UBE3D: variants seen among roughly 807,000 people sequenced by gnomAD.
UBE3D encodes E3 ubiquitin-protein ligase E3D.
A neutral mutation model predicts 49.6 loss-of-function variants in UBE3D; 48 were observed. The ratio of observed to expected loss-of-function variants is 0.97; its 90% CI spans 0.77 to 1.23. The LOEUF is 1.23. UBE3D is among the 50% of genes most tolerant of loss of function. The pLI is 0.00. For missense variants in UBE3D, 452 were observed against 468.4 expected (o/e 0.96, Z 0.32); for synonymous variants, 189 against 174.2 (o/e 1.08, Z -0.67).
At chr6:83,038,912 T>A (rs1782455349) in intron 4 of UBE3D, among the ~76,000 whole-genome samples, 1 of 151,796 alleles carries the variant, frequency 6.6e-6, no homozygotes. Flanking sequence ...CCTAGTCCAG[T>A]GTAATTTATG....
At chr6:82,883,325 A>G in the UBE3D span, among the ~76,000 whole-genome samples, 1 of 152,190 alleles carries the variant, frequency 6.6e-6, no homozygotes, top group Non-Finnish European at 1.5e-5. Context: ...ACATTTTGTA[A>G]GAATGGATTA....
intron 8 of UBE3D, among the ~76,000 whole-genome samples, chr6:82,964,696 T>C (rs984543732): frequency 2.0e-5 from 3 of 152,184 alleles, no homozygotes; most frequent in Non-Finnish European, 4.4e-5. Context: ...ATAGAATTTT[T>C]ATAAACATTC....
chr6:82,923,516 A>C (rs1421044508), intron 9 of UBE3D, among the ~76,000 whole-genome samples: 2 of 152,158 alleles, frequency 1.3e-5, no homozygotes. Context: ...CAATGAGAAC[A>C]CATGGACACA....
intron 8 of UBE3D, among the ~76,000 whole-genome samples, chr6:82,983,369 C>G (rs1778242250): frequency 6.6e-6 from 1 of 151,924 alleles, no homozygotes; most frequent in Non-Finnish European, 1.5e-5. Flanking sequence ...TAGGATATTA[C>G]AAGCTCTTGT....
chr6:82,987,136 T>TA (rs767312803), intron 8 of UBE3D, among the ~76,000 whole-genome samples: 23 of 152,004 alleles, frequency 1.5e-4, no homozygotes, highest in Non-Finnish European at 2.2e-4. Context: ...CCTGGCTAAT[T>TA]AAAAAAAATT....
At chr6:83,007,453 AT>A (rs1483522065) in intron 8 of UBE3D, among the ~76,000 whole-genome samples, 1 of 152,198 alleles carries the variant, frequency 6.6e-6, no homozygotes, top group Non-Finnish European at 1.5e-5. Context: ...TACTAATTGT[AT>A]TCTCCTAAGT....
intron 5 of UBE3D, among the ~76,000 whole-genome samples, chr6:83,027,676 C>A (rs1439261416): frequency 6.6e-6 from 1 of 152,026 alleles, no homozygotes; most frequent in African/African-American, 2.4e-5. Flanking sequence ...TCTTTAGCTG[C>A]ATTTAAGATT....
chr6:82,906,664 A>C (rs961182414), intron 9 of UBE3D, among the ~76,000 whole-genome samples: 2 of 152,184 alleles, frequency 1.3e-5, no homozygotes, highest in African/African-American at 4.8e-5. Flanking sequence ...ACTGCTTACA[A>C]AGCACTTTGA....
chr6:82,959,896 G>C (rs1023586251), intron 8 of UBE3D, among the ~76,000 whole-genome samples: 1 of 152,064 alleles, frequency 6.6e-6, no homozygotes, highest in Non-Finnish European at 1.5e-5. Flanking sequence ...GTTAGTGGAA[G>C]AAAGGCAGCT....
the UBE3D span, among the ~76,000 whole-genome samples, chr6:82,885,171 A>G: frequency 6.6e-6 from 1 of 152,104 alleles, no homozygotes; most frequent in East Asian, 1.9e-4. Flanking sequence ...GAAAAAAAAA[A>G]AGCACTGACA....
chr6:83,015,553 T>C (rs1431443809), intron 8 of UBE3D, among the ~76,000 whole-genome samples: 5 of 152,184 alleles, frequency 3.3e-5, no homozygotes, highest in Non-Finnish European at 7.3e-5. Flanking sequence ...ACCCTTAGTA[T>C]CCATTCCCAT....
At position 82,892,802 on chromosome 6, in the gene UBE3D, A is replaced by C; in HGVS notation, c.*220T>G. 1.8e-6 allele frequency: 1 copy of C among 557,476 alleles called. No individual in the cohort carries two copies. The highest frequency in any genetic ancestry group is 3.2e-6 in the Non-Finnish European group (1 of 309,444). 34.5% of individuals were successfully genotyped at this position (557,476 alleles called of 1,614,324 possible). A position where few individuals can be genotyped will look rare whatever the true frequency, so the allele number is the denominator to read the frequency against. On this transcript the variant is annotated 3_prime_UTR_variant, in exon 10 of 10. Transcript: ENST00000369747. ...TCTACACTTGCCTCAACCTGCTACTATGACTTTCTTCACAGTCCTGGGTTT... is the reference window on the plus strand; with the variant it reads ...TCTACACTTGCCTCAACCTGCTACTCTGACTTTCTTCACAGTCCTGGGTTT...
intron 9 of UBE3D, among the ~76,000 whole-genome samples, chr6:82,905,329 T>C (rs1296561643): frequency 6.6e-6 from 1 of 152,162 alleles, no homozygotes; most frequent in East Asian, 1.9e-4. Flanking sequence ...GAACTTTTCC[T>C]TTAATATTAT....
intron 8 of UBE3D, among the ~76,000 whole-genome samples, chr6:82,962,986 G>A (rs1360850792): frequency 2.0e-5 from 3 of 152,020 alleles, no homozygotes; most frequent in South Asian, 2.1e-4. Flanking sequence ...CCCACAGTAC[G>A]TTTTTCATGA....
chr6:83,029,781 G>A (rs891079804), intron 5 of UBE3D, among the ~76,000 whole-genome samples: 2 of 152,132 alleles, frequency 1.3e-5, no homozygotes, highest in African/African-American at 4.8e-5. Flanking sequence ...ACTGTGAAAT[G>A]TATCTCCCCA....
intron 5 of UBE3D, among the ~76,000 whole-genome samples, chr6:83,029,176 A>G (rs918161037): frequency 4.6e-5 from 7 of 152,118 alleles, no homozygotes; most frequent in African/African-American, 1.7e-4. Flanking sequence ...GTTTTCAGCC[A>G]GTTTTTTGTA....
At chr6:83,037,538 C>T (rs1031168642) in intron 5 of UBE3D, 2 of 152,104 alleles carry the variant, frequency 1.3e-5, no homozygotes, top group Non-Finnish European at 2.9e-5. Context: ...CTCATTTTTC[C>T]TTTCTGGCTC....
chr6:82,882,566 T>C, the UBE3D span, among the ~76,000 whole-genome samples: 5 of 152,338 alleles, frequency 3.3e-5, no homozygotes, highest in African/African-American at 4.8e-5. Context: ...AATGCTACTC[T>C]GCACAGAGCT....
At chr6:82,912,859 T>C (rs187721976) in intron 9 of UBE3D, among the ~76,000 whole-genome samples, 6 of 152,298 alleles carry the variant, frequency 3.9e-5, no homozygotes, top group Admixed American at 6.5e-5. Context: ...ACCTTTTTTT[T>C]AAATCCTGAG....
Sources: gnomAD v4.1 joint callset for allele counts (sites outside exome capture counted in the v4.1 genomes callset) on GRCh38, gnomAD v4.1.1 for gene constraint, MANE v1.5 for transcripts, NCBI Gene and HGNC (gene_info 2026-07-23, HGNC 2026-07-21) for gene names.